AGAP1: variants seen among roughly 807,000 people sequenced by gnomAD.
AGAP1 encodes arf-GAP with GTPase, ANK repeat and PH domain-containing protein 1.
A neutral mutation model predicts 105.3 loss-of-function variants in AGAP1; 29 were observed. The ratio of observed to expected loss-of-function variants is 0.28; its 90% confidence interval spans 0.21 to 0.38. The LOEUF is 0.38. Ranked by LOEUF, AGAP1 falls within the 10% of genes least tolerant of loss-of-function variation. The pLI is 1.00. For synonymous variants in AGAP1, 509 were observed against 485.9 expected, an observed-to-expected ratio of 1.05 and a Z score of -0.63; for missense variants, 998 against 1,165.1, an observed-to-expected ratio of 0.86 and a Z score of 2.09.
At chr2:235,863,119 T>C (rs2049002506) in intron 9 of AGAP1, among the ~76,000 whole-genome samples, 1 of 152,240 alleles carries the variant, frequency 6.6e-6, no homozygotes, top group African/African-American at 2.4e-5. Flanking sequence ...AAATACTTTT[T>C]GAACATTTGA....
intron 9 of AGAP1, among the ~76,000 whole-genome samples, chr2:235,860,773 ATAAT>A (rs1289387786): frequency 3.3e-5 from 5 of 152,234 alleles, no homozygotes; most frequent in Non-Finnish European, 2.9e-5. Context: ...GTAATCTTAA[ATAAT>A]TAAAGGAAGA....
At chr2:235,859,866 C>G (rs13417914) in intron 9 of AGAP1, among the ~76,000 whole-genome samples, 16,165 of 152,186 alleles carry the variant, frequency 0.11, 2,598 homozygotes, top group African/African-American at 0.34. Context: ...CAACAAACAG[C>G]TCTGATTCTA....
In AGAP1 at chr2:235,751,406, G is replaced by A. The variant is rs916019382; in HGVS notation, c.673+918G>A. Among the ~76,000 whole-genome samples the A allele has an allele frequency of 1.3e-5, 2 of 152,052 alleles. No individual in the cohort carries two copies. ...CTGTCCCCCTGCTCTGGTGCCCAGG[G>A]GGTTGTCGGGGGCAGAGCAGGGCAG... On this transcript the variant is annotated intron_variant, in intron 6 of 17. Transcript: ENST00000304032. This position sits in a 1 kb window ranked among gnomAD's most constrained non-coding sequence, Gnocchi z 5.3.
rs1953558119 is a variant in AGAP1 at position 235,752,768 on chromosome 2, A to G, written c.673+2280A>G. Among the ~76,000 whole-genome samples the G allele has an allele frequency of 6.6e-6, 1 of 152,238 alleles. No individual in the cohort carries two copies. Among genetic ancestry groups the G allele is most frequent in the Non-Finnish European group, 1.5e-5 (1 of 68,044 alleles). ...TTGATGAGTGCTTCTTATAAAAATAATGTTGTCAATTAATGAATACTGGGG... is the reference window on the plus strand; with the variant it reads ...TTGATGAGTGCTTCTTATAAAAATAGTGTTGTCAATTAATGAATACTGGGG... On this transcript the variant is annotated intron_variant, in intron 6 of 17. Transcript: ENST00000304032. This position sits in a 1 kb window ranked among gnomAD's most constrained non-coding sequence, Gnocchi z 4.3.
rs1421508645 is a variant in AGAP1, at chr2:235,621,877, C to T, written c.164-87302C>T. Reference sequence around the variant, plus strand: ...GTTGGGTAGGAGTGGAGGAGGGGTGCGATCGGAAGGGAGTGCCGCGCAGAC... The same window carrying T: ...GTTGGGTAGGAGTGGAGGAGGGGTGTGATCGGAAGGGAGTGCCGCGCAGAC... On this transcript the variant is annotated intron_variant, in intron 1 of 17. Coordinates refer to ENST00000304032, the MANE Select transcript of AGAP1 (RefSeq NM_001037131.3). This position sits in a 1 kb window ranked among gnomAD's most constrained non-coding sequence, Gnocchi z 4.1. 2.0e-5 allele frequency among the ~76,000 whole-genome samples: 3 copies of T among 150,278 alleles called. No individual in the cohort carries two copies. The highest frequency in any genetic ancestry group is 3.0e-5 in the Non-Finnish European group (2 of 67,562).
chr2:235,642,424 C>T lies in AGAP1; in HGVS notation c.164-66755C>T, dbSNP rs1947228362. ...TAGGGATTTATCTGCAGGGACTGTC[C>T]CCAGTAGGTCTATGAGAGCCCACCA... On this transcript the variant is annotated intron_variant, in intron 1 of 17. Transcript: ENST00000304032. This position sits in a 1 kb window ranked among gnomAD's most constrained non-coding sequence, Gnocchi z 4.1. Among the ~76,000 whole-genome samples, 1 of 152,158 alleles carries T rather than the reference C, an allele frequency of 6.6e-6. No individual in the cohort carries two copies. The highest frequency in any genetic ancestry group is 2.1e-4 in the South Asian group (1 of 4,816).
At chr2:235,565,752 C>G (rs187901804) in intron 1 of AGAP1, among the ~76,000 whole-genome samples, 121 of 152,172 alleles carry the variant, frequency 8.0e-4, no homozygotes, top group African/African-American at 2.7e-3. Flanking sequence ...CCTCTGCCTC[C>G]CAGGCTCAAA....
At chr2:235,770,597 A>G (rs1322412236) in intron 6 of AGAP1, among the ~76,000 whole-genome samples, 3 of 152,204 alleles carry the variant, frequency 2.0e-5, no homozygotes, top group Non-Finnish European at 4.4e-5. Flanking sequence ...CAATCATAAA[A>G]TCTCCTAAAG....
chr2:235,528,357 C>T (rs1942924188), intron 1 of AGAP1, among the ~76,000 whole-genome samples: 3 of 147,772 alleles, frequency 2.0e-5, no homozygotes, highest in African/African-American at 7.5e-5. Context: ...CCCCCTCCCC[C>T]TCCCCCGCCC....
chr2:235,861,168 C>T (rs866146934), intron 9 of AGAP1, among the ~76,000 whole-genome samples: 3 of 152,162 alleles, frequency 2.0e-5, no homozygotes, highest in East Asian at 1.9e-4. Context: ...GTTCATCATT[C>T]GATTGTCCTG....
rs545484215 is a variant in AGAP1 at position 235,780,393 on chromosome 2, T to C, written c.674-17366T>C. 2.6e-5 allele frequency among the ~76,000 whole-genome samples: 4 copies of C among 152,318 alleles called. No homozygotes were observed. In the East Asian group the frequency reaches 5.8e-4, roughly 22 times the overall value. ...AATAAAGACAGGTCATTACCAGTTTTAAGCCAAGTAAGCAAACTCAAAGAG... is the reference window on the plus strand; with the variant it reads ...AATAAAGACAGGTCATTACCAGTTTCAAGCCAAGTAAGCAAACTCAAAGAG... On this transcript the variant is annotated intron_variant, in intron 6 of 17. Coordinates refer to ENST00000304032, the MANE Select transcript of AGAP1 (RefSeq NM_001037131.3).
In AGAP1 at chr2:235,620,390, G is replaced by A. The variant is rs569820232; in HGVS notation, c.164-88789G>A. ...GCCGGGTCAGAGTGTGATGCCCTCT[G>A]CCAAAACCTCCTCCTGGCCCTCGCC... On this transcript the variant is annotated intron_variant, in intron 1 of 17. Transcript: ENST00000304032. The surrounding 1 kb of genome is among the most constrained non-coding windows in gnomAD (Gnocchi z 4.5). Among the ~76,000 whole-genome samples the A allele has an allele frequency of 2.6e-5, 4 of 152,288 alleles. No homozygotes were observed. The South Asian group carries it at 6.2e-4, about 24-fold the overall frequency.
chr2:235,745,493 C>T (rs1952857504), intron 5 of AGAP1, among the ~76,000 whole-genome samples: 1 of 152,168 alleles, frequency 6.6e-6, no homozygotes, highest in African/African-American at 2.4e-5. Context: ...GGGTCTGCCA[C>T]TAGGGTCTAA....
chr2:235,629,981 A>G (rs1045978396), intron 1 of AGAP1, among the ~76,000 whole-genome samples: 8 of 152,180 alleles, frequency 5.3e-5, no homozygotes, highest in African/African-American at 1.9e-4. Context: ...TTAAAGTATC[A>G]TCTTCAAAGC....
At chr2:235,809,125 C>T (rs1466339104) in intron 9 of AGAP1, among the ~76,000 whole-genome samples, 1 of 151,990 alleles carries the variant, frequency 6.6e-6, no homozygotes, top group Admixed American at 6.5e-5. Context: ...TGGGAGCGCT[C>T]ACCAGCCTGG....
At chr2:235,643,739 C>T (rs1265073865) in intron 1 of AGAP1, among the ~76,000 whole-genome samples, 1 of 151,928 alleles carries the variant, frequency 6.6e-6, no homozygotes, top group Non-Finnish European at 1.5e-5. Flanking sequence ...TGTTTCTCTT[C>T]CCTTGAATAG....
chr2:235,908,911 G>A lies in AGAP1; in HGVS notation c.1324+5G>A. 3 of 1,606,824 alleles carry A rather than the reference G, an allele frequency of 1.9e-6. No homozygotes were observed. The highest frequency in any genetic ancestry group is 2.2e-5 in the East Asian group (1 of 44,718). ...TACACATCTCACCCAATTCAGGTAA[G>A]CTTACAGCAAATGCACTAACAAATC... On this transcript the variant is annotated splice_donor_5th_base_variant and intron_variant, in intron 11 of 17. Coordinates refer to ENST00000304032, the MANE Select transcript of AGAP1 (RefSeq NM_001037131.3). The surrounding 1 kb of genome is among the most constrained non-coding windows in gnomAD (Gnocchi z 4.4).
chr2:235,947,831 G>T lies in AGAP1; in HGVS notation c.1483+16908G>T, dbSNP rs1364256673. Among the ~76,000 whole-genome samples, 4 of 152,324 alleles carry T rather than the reference G, an allele frequency of 2.6e-5. 1 individual carries two copies. The South Asian group carries it at 8.3e-4, about 32-fold the overall frequency. ...TAAGCCCTGGATTAAATGCTTTATA[G>T]GTACTATTTGTTAAGTCTACGCTGA... On this transcript the variant is annotated intron_variant, in intron 12 of 17. Transcript: ENST00000304032.
intron 11 of AGAP1, among the ~76,000 whole-genome samples, chr2:235,929,583 C>T (rs1264534075): frequency 1.3e-5 from 2 of 152,118 alleles, no homozygotes; most frequent in Admixed American, 6.5e-5. Flanking sequence ...GTGTAGGGCT[C>T]GTACACTACG....
Sources: allele counts gnomAD v4.1 joint callset (sites outside exome capture counted in the v4.1 genomes callset), GRCh38; gene constraint gnomAD v4.1.1; non-coding constraint Gnocchi (gnomAD v3.1); transcripts MANE v1.5; gene names NCBI Gene and HGNC (gene_info 2026-07-23, HGNC 2026-07-21).